FSTL5: variants seen among roughly 807,000 people sequenced by gnomAD.
FSTL5 encodes the protein follistatin like 5, also known as follistatin-related protein 5.
A neutral mutation model predicts 89.1 loss-of-function variants in FSTL5; 62 were observed. The ratio of observed to expected loss-of-function variants is 0.70; its 90% CI spans 0.57 to 0.86. FSTL5 has a LOEUF of 0.86. Ranked by LOEUF, FSTL5 falls within the 40% of genes least tolerant of loss-of-function variation. FSTL5 has a pLI of 0.00. For synonymous variants in FSTL5, 383 were observed against 346.2 expected (o/e 1.11, Z -1.18); for missense variants, 1,057 against 1,001.6 (o/e 1.06, Z -0.75).
At chr4:162,012,265 T>TAA (rs1197208222) in intron 3 of FSTL5, among the ~76,000 whole-genome samples, 1 of 152,020 alleles carries the variant, frequency 6.6e-6, no homozygotes, top group Non-Finnish European at 1.5e-5. Flanking sequence ...AAGGAAAAAA[T>TAA]ATAGTTTATT....
At chr4:161,963,085 T>G (rs1287398761) in intron 3 of FSTL5, among the ~76,000 whole-genome samples, 2 of 151,930 alleles carry the variant, frequency 1.3e-5, no homozygotes, top group African/African-American at 2.4e-5. Flanking sequence ...ACAGATTTGC[T>G]ATAAATTTAA....
intron 7 of FSTL5, among the ~76,000 whole-genome samples, chr4:161,610,632 C>T (rs974962925): frequency 3.3e-5 from 5 of 152,102 alleles, no homozygotes. Context: ...TTTCCTTATC[C>T]TGTGGAAACC....
At chr4:161,456,071 G>T (rs1733341664) in intron 14 of FSTL5, among the ~76,000 whole-genome samples, 2 of 152,112 alleles carry the variant, frequency 1.3e-5, no homozygotes, top group Admixed American at 6.5e-5. Flanking sequence ...CTTTCATTGA[G>T]TTCCATCGGA....
intron 3 of FSTL5, among the ~76,000 whole-genome samples, chr4:162,000,127 G>A (rs1415985568): frequency 6.6e-6 from 1 of 152,180 alleles, no homozygotes; most frequent in Non-Finnish European, 1.5e-5. Context: ...CAAAAACTCT[G>A]TGCTTACACT....
chr4:162,065,956 T>C (rs916940057), intron 2 of FSTL5, among the ~76,000 whole-genome samples: 1 of 152,116 alleles, frequency 6.6e-6, no homozygotes, highest in Non-Finnish European at 1.5e-5. Context: ...TTCCATGCTT[T>C]AACTTTTCTT....
chr4:162,133,952 G>A (rs1253956849), intron 1 of FSTL5, among the ~76,000 whole-genome samples: 1 of 152,176 alleles, frequency 6.6e-6, no homozygotes, highest in Non-Finnish European at 1.5e-5. Flanking sequence ...GAGTCATGAT[G>A]CTCCCATTGG....
Position 161,890,060 on chromosome 4 carries a change from T to C in FSTL5, c.409+30344A>G, listed in dbSNP as rs149821546. ...ATCTGTCTGATATGGTTCTGAATCATGTAAGATTTACAAAATTAGTACATC... is the reference window on the plus strand; with the variant it reads ...ATCTGTCTGATATGGTTCTGAATCACGTAAGATTTACAAAATTAGTACATC... On this transcript the variant is annotated intron_variant, in intron 4 of 15. Coordinates refer to ENST00000306100, the MANE Select transcript of FSTL5 (RefSeq NM_020116.5). Among the ~76,000 whole-genome samples, 1,391 of 152,346 alleles carry C rather than the reference T, an allele frequency of 9.1e-3. 25 individuals carry two copies. Among genetic ancestry groups the C allele is most frequent in the African/African-American group, 0.032 (1,330 of 41,586 alleles).
chr4:161,857,757 A>C (rs1731765904), intron 4 of FSTL5, among the ~76,000 whole-genome samples: 1 of 152,208 alleles, frequency 6.6e-6, no homozygotes, highest in East Asian at 1.9e-4. Context: ...CTATGGAAAG[A>C]GTACATTTTT....
At chr4:161,743,560 G>GT (rs1170369099) in intron 6 of FSTL5, among the ~76,000 whole-genome samples, 81 of 150,740 alleles carry the variant, frequency 5.4e-4, no homozygotes, top group African/African-American at 1.7e-3. Flanking sequence ...ATGAACTTTA[G>GT]TTTTTTTTTC....
rs558753385 is a variant in FSTL5, at chr4:161,916,764, T to TA, written c.409+3639dup. On this transcript the variant is annotated intron_variant, in intron 4 of 15. Coordinates refer to ENST00000306100, the MANE Select transcript of FSTL5 (RefSeq NM_020116.5). Reference sequence around the variant, plus strand: ...GTGTATATTTAAAAGTCAATAATAATAAAAAATGCTAAGATTAACACAGAG... The same window carrying TA: ...GTGTATATTTAAAAGTCAATAATAATAAAAAAATGCTAAGATTAACACAGAG... 3.8e-4 allele frequency among the ~76,000 whole-genome samples: 58 copies of TA among 152,080 alleles called. 1 individual carries two copies. The East Asian group carries it at 8.7e-3, about 23-fold the overall frequency.
chr4:162,136,615 CAGCTTGTAGATAT>C (rs1732531529), intron 1 of FSTL5, among the ~76,000 whole-genome samples: 1 of 151,976 alleles, frequency 6.6e-6, no homozygotes, highest in South Asian at 2.1e-4. Context: ...GCCAAAAATC[CAGCTTGTAGATAT>C]AGCCATTCAT....
chr4:161,780,963 G>C (rs1741644921), intron 4 of FSTL5, among the ~76,000 whole-genome samples: 2 of 152,020 alleles, frequency 1.3e-5, no homozygotes, highest in Admixed American at 6.6e-5. Flanking sequence ...AGGAAACCAT[G>C]TTTTATCTTT....
intron 5 of FSTL5, among the ~76,000 whole-genome samples, chr4:161,767,628 T>C (rs2126796830): frequency 1.3e-5 from 2 of 152,238 alleles, no homozygotes; most frequent in East Asian, 3.9e-4. Flanking sequence ...GACACCTGTT[T>C]ATATTTTAAA....
chr4:161,604,816 C>A lies in FSTL5; in HGVS notation c.895-17241G>T, dbSNP rs139295299. Among the ~76,000 whole-genome samples the A allele has an allele frequency of 6.2e-3, 944 of 152,214 alleles. 9 individuals are homozygous for A. Among genetic ancestry groups the A allele is most frequent in the African/African-American group, 0.017 (724 of 41,532 alleles). ...GCCTAGGTTTCATGTTCTGCTAGAG[C>A]CTGAGCATTGAGGAAGTTGCACACA... On this transcript the variant is annotated intron_variant, in intron 7 of 15. Transcript: ENST00000306100.
intron 4 of FSTL5, among the ~76,000 whole-genome samples, chr4:161,776,910 C>A (rs1741430990): frequency 6.6e-6 from 1 of 151,730 alleles, no homozygotes; most frequent in South Asian, 2.1e-4. Flanking sequence ...TTGAAATATA[C>A]AATAAATTAT....
intron 15 of FSTL5, among the ~76,000 whole-genome samples, chr4:161,415,653 C>CATATATAT (rs200742664): frequency 5.7e-4 from 84 of 147,870 alleles, no homozygotes; most frequent in African/African-American, 2.1e-3. Context: ...ATAGGGGATA[C>CATATATAT]ATATATATAT....
chr4:161,813,172 G>A (rs548032532), intron 4 of FSTL5, among the ~76,000 whole-genome samples: 358 of 152,062 alleles, frequency 2.4e-3, no homozygotes, highest in African/African-American at 7.8e-3. Flanking sequence ...GACTACAGGC[G>A]CGTGCTACCA....
chr4:161,555,613 T>C lies in FSTL5; in HGVS notation c.1016-12920A>G, dbSNP rs149936389. ...GCAGAAAATTTGAACGCATCTCTAA[T>C]ACTTTCTGCTATGCTGTAAGGGATA... On this transcript the variant is annotated intron_variant, in intron 8 of 15. Transcript: ENST00000306100. Among the ~76,000 whole-genome samples the C allele has an allele frequency of 4.7e-4, 72 of 151,730 alleles. 1 individual carries two copies. Among genetic ancestry groups the C allele is most frequent in the African/African-American group, 1.7e-3 (69 of 41,506 alleles).
chr4:161,948,275 C>A (rs1734789847), intron 3 of FSTL5, among the ~76,000 whole-genome samples: 1 of 139,352 alleles, frequency 7.2e-6, no homozygotes, highest in African/African-American at 2.6e-5. Flanking sequence ...AGAGCAAGAT[C>A]CTGTACCTAA....
Sources: allele counts gnomAD v4.1 joint callset (sites outside exome capture counted in the v4.1 genomes callset), GRCh38; gene constraint gnomAD v4.1.1; transcripts MANE v1.5; gene names NCBI Gene and HGNC (gene_info 2026-07-23, HGNC 2026-07-21).